Variants in RIMS2 observed in about 807,000 individuals in gnomAD.
RIMS2 encodes the protein regulating synaptic membrane exocytosis 2.
Under a neutral mutation model 174.4 loss-of-function variants are expected in RIMS2, and 59 were observed. The ratio of observed to expected loss-of-function variants is 0.34; its 90% CI spans 0.27 to 0.42. The LOEUF (loss-of-function observed/expected upper bound fraction) is 0.42, where lower values mean the gene tolerates loss of function less well. Among genes scored for constraint, RIMS2 ranks in the 10% least tolerant of loss-of-function variants. RIMS2 has a pLI of 1.00. For synonymous variants in RIMS2, 606 were observed against 572.5 expected (o/e 1.06, Z -0.84); for missense variants, 1,620 against 1,666.3 (o/e 0.97, Z 0.48).
At chr8:103,541,860 T>C (rs1185392557) in intron 1 of RIMS2, among the ~76,000 whole-genome samples, 2 of 152,234 alleles carry the variant, frequency 1.3e-5, no homozygotes, top group African/African-American at 4.8e-5. Flanking sequence ...TTAGTTGTTA[T>C]TATGTTAAAA....
chr8:104,056,574 C>G (rs993038379), intron 19 of RIMS2, among the ~76,000 whole-genome samples: 2 of 152,134 alleles, frequency 1.3e-5, no homozygotes, highest in African/African-American at 2.4e-5. Context: ...TCTTTTCAAC[C>G]AGTGCTGTTT....
intron 15 of RIMS2, among the ~76,000 whole-genome samples, chr8:103,962,229 A>G (rs1285650595): frequency 2.0e-5 from 3 of 152,092 alleles, no homozygotes; most frequent in African/African-American, 2.4e-5. Context: ...TCAAGATGAC[A>G]GAAATATTTC....
At chr8:103,916,343 A>T in intron 7 of RIMS2, 71 bp from the exon 11 acceptor site, 1 of 1,106,966 alleles carries the variant, frequency 9.0e-7, no homozygotes, top group Non-Finnish European at 1.3e-6. Context: ...TTGAAGTTTA[A>T]GATGCTCTTA....
chr8:104,102,397 G>A (rs955881104), intron 19 of RIMS2, among the ~76,000 whole-genome samples: 1 of 152,108 alleles, frequency 6.6e-6, no homozygotes, highest in African/African-American at 2.4e-5. Flanking sequence ...AAGTCTTGTT[G>A]ATTCTAATGC....
At position 104,014,448 on chromosome 8, in the gene RIMS2, G is replaced by A. The variant is rs894442009; in HGVS notation, c.3225-58G>A. On this transcript the variant is annotated intron_variant, in intron 18 of 23. Transcript: ENST00000504942. ...ACAGCTATCATATGAACCAAATGTAGGTATTAAAAATATGTAACTCATTAT... is the reference window on the plus strand; with the variant it reads ...ACAGCTATCATATGAACCAAATGTAAGTATTAAAAATATGTAACTCATTAT... 4 of 893,702 alleles carry A rather than the reference G, an allele frequency of 4.5e-6. No homozygotes were observed. In the African/African-American group the frequency reaches 4.9e-5, roughly 11 times the overall value. The allele number at this position is 893,702 out of a possible 1,614,324, so 55.4% of individuals were successfully genotyped here.
intron 19 of RIMS2, chr8:104,015,356 T>C: frequency 1.5e-6 from 1 of 648,618 alleles, no homozygotes; most frequent in Non-Finnish European, 2.8e-6. Context: ...TTTTAACCCC[T>C]GTGCTTTGGT....
At chr8:104,244,867 C>G (rs764909785) in intron 19 of RIMS2, 49 bp from the exon 26 acceptor site, 59 of 1,510,882 alleles carry the variant, frequency 3.9e-5, no homozygotes, top group Admixed American at 3.8e-4. Context: ...ATATTTCTTA[C>G]CACATAGTGA....
At chr8:104,105,473 C>T (rs2098029191) in intron 19 of RIMS2, among the ~76,000 whole-genome samples, 1 of 152,112 alleles carries the variant, frequency 6.6e-6, no homozygotes, top group South Asian at 2.1e-4. Context: ...ATTGGTGTCA[C>T]CACACTTTCA....
At chr8:103,615,900 G>A (rs915535197) in intron 1 of RIMS2, among the ~76,000 whole-genome samples, 6 of 151,930 alleles carry the variant, frequency 3.9e-5, no homozygotes, top group African/African-American at 1.2e-4. Context: ...AACCAAAAAC[G>A]CCCAACACCT....
At chr8:103,975,326 T>C in intron 15 of RIMS2, 24 bp from the exon 18 acceptor site, 1 of 1,567,698 alleles carries the variant, frequency 6.4e-7, no homozygotes, top group African/African-American at 1.4e-5. Context: ...ATAACTATAA[T>C]ATTTATTAAT....
chr8:104,106,291 T>C (rs564875201), intron 19 of RIMS2, among the ~76,000 whole-genome samples: 17 of 89,546 alleles, frequency 1.9e-4, no homozygotes, highest in African/African-American at 9.2e-4. Flanking sequence ...CTTTGTAATA[T>C]AGTTAGTTAG....
At chr8:103,716,376 G>A (rs1426122295) in intron 2 of RIMS2, 56 bp downstream of exon 5, 3 of 151,768 alleles carry the variant, frequency 2.0e-5, no homozygotes, top group Non-Finnish European at 4.4e-5. Context: ...GTTATTGCCA[G>A]TTTTAATTTT....
intron 16 of RIMS2, among the ~76,000 whole-genome samples, chr8:103,979,573 C>A (rs1050547638): frequency 4.6e-5 from 7 of 152,146 alleles, no homozygotes; most frequent in Admixed American, 2.0e-4. Flanking sequence ...ACTGGAATAC[C>A]AAATTTTACC....
intron 19 of RIMS2, among the ~76,000 whole-genome samples, chr8:104,066,094 A>T (rs1022840059): frequency 1.3e-5 from 2 of 152,182 alleles, no homozygotes; most frequent in Non-Finnish European, 2.9e-5. Context: ...GTTTTATTGG[A>T]ATAAAGCCAC....
At chr8:104,207,434 C>G (rs2099085565) in intron 19 of RIMS2, among the ~76,000 whole-genome samples, 1 of 152,122 alleles carries the variant, frequency 6.6e-6, no homozygotes, top group Non-Finnish European at 1.5e-5. Context: ...GGTTCCTGAG[C>G]CTATCCCTGC....
chr8:103,513,104 C>G (rs1233014461), intron 1 of RIMS2, among the ~76,000 whole-genome samples: 1 of 152,158 alleles, frequency 6.6e-6, no homozygotes, highest in East Asian at 1.9e-4. Context: ...AACTGGATTT[C>G]CCAGGATGAA....
intron 3 of RIMS2, among the ~76,000 whole-genome samples, chr8:103,773,998 T>C (rs2098282328): frequency 1.3e-5 from 2 of 152,014 alleles, no homozygotes; most frequent in Admixed American, 1.3e-4. Flanking sequence ...AAAAATTAGC[T>C]GGACGCAGTG....
intron 2 of RIMS2, among the ~76,000 whole-genome samples, chr8:103,712,439 A>G (rs1033573947): frequency 4.6e-5 from 7 of 152,162 alleles, no homozygotes; most frequent in Non-Finnish European, 1.0e-4. Flanking sequence ...GGTTGTTGGT[A>G]CATCTACATA....
chr8:103,579,384 TA>T (rs1200224925), intron 1 of RIMS2, among the ~76,000 whole-genome samples: 2 of 152,100 alleles, frequency 1.3e-5, no homozygotes, highest in Non-Finnish European at 2.9e-5. Flanking sequence ...GTATAAAACC[TA>T]CTGATAAAAT....
Sources: gnomAD v4.1 joint callset for allele counts (sites outside exome capture counted in the v4.1 genomes callset) on GRCh38, gnomAD v4.1.1 for gene constraint, MANE v1.5 for transcripts, NCBI Gene and HGNC (gene_info 2026-07-23, HGNC 2026-07-21) for gene names.